Variants in CCDC126 observed in about 807,000 individuals in gnomAD.
CCDC126 encodes coiled-coil domain-containing protein 126.
In CCDC126, 5 loss-of-function variants were observed where a neutral mutation model predicts 11.7. That is an observed-to-expected ratio of 0.43 (90% CI 0.22 to 0.90). The LOEUF (loss-of-function observed/expected upper bound fraction) is 0.90, where lower values mean the gene tolerates loss of function less well. Among genes scored for constraint, CCDC126 ranks in the 40% least tolerant of loss-of-function variants. The pLI is 0.27. For synonymous variants in CCDC126, 60 were observed against 61.9 expected (o/e 0.97, Z 0.14); for missense variants, 150 against 163.1 (o/e 0.92, Z 0.44).
chr7:23,609,864 AAAAT>A (rs1416786788), intron 2 of CCDC126, among the ~76,000 whole-genome samples: 3 of 152,216 alleles, frequency 2.0e-5, no homozygotes, highest in African/African-American at 4.8e-5. Context: ...CCTGTCTTAA[AAAAT>A]AAATAAATAA....
At position 23,607,053 on chromosome 7, in the gene CCDC126, C is replaced by T. The variant is rs114999762; in HGVS notation, c.-145-4118C>T. ...GGCCGAGGCTGCAGTGAGCTGAGAT[C>T]GTGCTACTGTACTGCAAGCCGGGGC... On this transcript the variant is annotated intron_variant, in intron 2 of 3. Coordinates refer to ENST00000307471, the MANE Select transcript of CCDC126 (RefSeq NM_138771.4). 8.3e-3 allele frequency among the ~76,000 whole-genome samples: 1,270 copies of T among 152,174 alleles called. 20 individuals carry two copies. The highest frequency in any genetic ancestry group is 0.029 in the African/African-American group (1,211 of 41,500).
intron 2 of CCDC126, chr7:23,604,392 A>G (rs1056105238): frequency 3.9e-5 from 6 of 152,176 alleles, no homozygotes; most frequent in Non-Finnish European, 7.4e-5. Context: ...TTTTGTGACT[A>G]ATGAGAAATA....
intron 2 of CCDC126, among the ~76,000 whole-genome samples, chr7:23,608,706 G>A (rs1782658706): frequency 6.6e-6 from 1 of 152,112 alleles, no homozygotes; most frequent in African/African-American, 2.4e-5. Flanking sequence ...ACTGCCTAAT[G>A]GTGGTTCTAA....
chr7:23,620,411 C>T (rs1451443374), intron 3 of CCDC126, among the ~76,000 whole-genome samples: 1 of 152,168 alleles, frequency 6.6e-6, no homozygotes, highest in Admixed American at 6.5e-5. Flanking sequence ...TATCCTTCAC[C>T]CACTTGTTGA....
At chr7:23,639,057 T>G (rs1783304450) in intron 3 of CCDC126, among the ~76,000 whole-genome samples, 1 of 151,998 alleles carries the variant, frequency 6.6e-6, no homozygotes, top group Admixed American at 6.6e-5. Flanking sequence ...TTGAAAGGTA[T>G]TAATAAATAA....
At chr7:23,614,033 G>A (rs1003557129) in intron 3 of CCDC126, among the ~76,000 whole-genome samples, 2 of 152,194 alleles carry the variant, frequency 1.3e-5, no homozygotes, top group Admixed American at 6.5e-5. Context: ...GATCAGTGTG[G>A]TGGTTACTGA....
intron 3 of CCDC126, among the ~76,000 whole-genome samples, chr7:23,623,175 CA>C (rs1256446024): frequency 6.9e-6 from 1 of 145,490 alleles, no homozygotes; most frequent in South Asian, 2.2e-4. Context: ...TTAGTAGAGA[CA>C]AAAACTTTTG....
intron 3 of CCDC126, among the ~76,000 whole-genome samples, chr7:23,636,402 A>C: frequency 1.4e-5 from 2 of 140,500 alleles, no homozygotes; most frequent in Admixed American, 7.1e-5. Context: ...CCGCCATCCC[A>C]TCTAGGAAGC....
intron 3 of CCDC126, among the ~76,000 whole-genome samples, chr7:23,619,048 C>T (rs1297608370): frequency 6.6e-6 from 1 of 152,100 alleles, no homozygotes; most frequent in Non-Finnish European, 1.5e-5. Flanking sequence ...GAAGAGTGAT[C>T]TCAGCACTCA....
At position 23,643,137 on chromosome 7, in the gene CCDC126, T is replaced by A; in HGVS notation, c.*22T>A. 2.5e-6 allele frequency: 4 copies of A among 1,604,500 alleles called. No individual in the cohort carries two copies. The highest frequency in any genetic ancestry group is 2.6e-6 in the Non-Finnish European group (3 of 1,173,596). On this transcript the variant is annotated 3_prime_UTR_variant, in exon 4 of 4. Coordinates refer to ENST00000307471, the MANE Select transcript of CCDC126 (RefSeq NM_138771.4). ...ATAGCAGTTGAAAATCACCTTGTGC[T>A]GCTCCATCCACTGTGGATTATATCC...
At chr7:23,638,028 G>A (rs1783271601) in intron 3 of CCDC126, among the ~76,000 whole-genome samples, 1 of 135,796 alleles carries the variant, frequency 7.4e-6, no homozygotes, top group Non-Finnish European at 1.6e-5. Flanking sequence ...CCTCTGCCCG[G>A]CCGCCCCTAC....
At chr7:23,638,664 A>G (rs1176111961) in intron 3 of CCDC126, among the ~76,000 whole-genome samples, 2 of 120,058 alleles carry the variant, frequency 1.7e-5, no homozygotes, top group African/African-American at 6.6e-5. Context: ...CTATTGTCCT[A>G]TGACCCTGCC....
chr7:23,638,113 G>C (rs1395169739), intron 3 of CCDC126, among the ~76,000 whole-genome samples: 1 of 143,942 alleles, frequency 6.9e-6, no homozygotes, highest in Non-Finnish European at 1.5e-5. Context: ...CCCCCCGCCC[G>C]GCCAGCCGCC....
intron 3 of CCDC126, among the ~76,000 whole-genome samples, chr7:23,632,093 GT>G (rs200021592): frequency 2.3e-3 from 305 of 134,706 alleles, no homozygotes; most frequent in East Asian, 0.012. Context: ...CACCAAGTGG[GT>G]TTTTTTTTTT....
At chr7:23,634,599 A>G (rs575604474) in intron 3 of CCDC126, among the ~76,000 whole-genome samples, 21 of 152,178 alleles carry the variant, frequency 1.4e-4, no homozygotes, top group South Asian at 8.3e-4. Context: ...TCTCTGTTCT[A>G]TTTCTCAAGG....
At position 23,644,089 on chromosome 7, in the gene CCDC126, T is replaced by G. The variant is rs866280203; in HGVS notation, c.*974T>G. The stretch of plus-strand genomic sequence containing the variant: ...AAAGGTACTTTTGTGCTGCATTAAA[T>G]TGCTTGGAAAATGTTAACATTATAT... On this transcript the variant is annotated 3_prime_UTR_variant, in exon 4 of 4. Transcript: ENST00000307471. 6.6e-6 allele frequency: 1 copy of G among 152,096 alleles called. No homozygotes were observed. The highest frequency in any genetic ancestry group is 1.5e-5 in the Non-Finnish European group (1 of 67,964). 9.4% of individuals were successfully genotyped at this position (152,096 alleles called of 1,614,324 possible).
At chr7:23,618,807 C>T (rs1313628850) in intron 3 of CCDC126, among the ~76,000 whole-genome samples, 1 of 151,932 alleles carries the variant, frequency 6.6e-6, no homozygotes, top group African/African-American at 2.4e-5. Context: ...CACCTGCCTC[C>T]ACCTCCCAGA....
In CCDC126 at chr7:23,643,111, G is replaced by C; in HGVS notation, c.419G>C (p.Arg140Thr). ...NKRTNVSGSI[R>T] is the part of the protein sequence containing the mutation. ...AGAACGAATGTCTCGGGCAGTATCAGATAGCAGTTGAAAATCACCTTGTGC... is the reference window on the plus strand; with the variant it reads ...AGAACGAATGTCTCGGGCAGTATCACATAGCAGTTGAAAATCACCTTGTGC... Residue 140 changes from arginine (R) to threonine (T), a missense_variant, in exon 4 of 4, where the codon AGA (arginine) becomes ACA (threonine). By Grantham distance (71) the Arg-to-Thr change is moderately conservative. Transcript: ENST00000307471. 6.2e-7 allele frequency: 1 copy of C among 1,613,086 alleles called. No homozygotes were observed. The highest frequency in any genetic ancestry group is 1.3e-5 in the African/African-American group (1 of 75,036).
intron 2 of CCDC126, among the ~76,000 whole-genome samples, chr7:23,598,900 T>C (rs1019394615): frequency 1.3e-5 from 2 of 152,234 alleles, no homozygotes; most frequent in African/African-American, 4.8e-5. Flanking sequence ...AATAGTGAAT[T>C]GGTCTGATTC....
Sources: gnomAD v4.1 joint callset for allele counts (sites outside exome capture counted in the v4.1 genomes callset) on GRCh38, gnomAD v4.1.1 for gene constraint, MANE v1.5 for transcripts, NCBI Gene and HGNC (gene_info 2026-07-23, HGNC 2026-07-21) for gene names.